Variants in CCDC192 observed in about 807,000 individuals in gnomAD.
CCDC192 encodes the protein coiled-coil domain containing 192.
chr5:127,831,635 TAAAC>T (rs149245774), intron 5 of CCDC192, among the ~76,000 whole-genome samples: 44,659 of 151,816 alleles, frequency 0.29, 6,638 homozygotes, highest in South Asian at 0.44. Flanking sequence ...GTCTTGGAAA[TAAAC>T]AAAATGAATA....
chr5:127,806,895 C>T (rs143676483), intron 5 of CCDC192, among the ~76,000 whole-genome samples: 62 of 152,194 alleles, frequency 4.1e-4, no homozygotes, highest in African/African-American at 1.3e-3. Context: ...GCTATTTATG[C>T]GAATCATGAG....
chr5:127,866,130 T>A (rs1322849676), intron 5 of CCDC192, among the ~76,000 whole-genome samples: 1 of 152,148 alleles, frequency 6.6e-6, no homozygotes, highest in South Asian at 2.1e-4. Flanking sequence ...GCATCAGTTC[T>A]GCAGCTCAGC....
chr5:127,890,880 GTT>G (rs1257326313), intron 6 of CCDC192, among the ~76,000 whole-genome samples: 2 of 152,214 alleles, frequency 1.3e-5, no homozygotes, highest in Non-Finnish European at 2.9e-5. Flanking sequence ...CTGCTACCTG[GTT>G]GGTTTCACTT....
chr5:127,864,616 G>A (rs951961315), intron 5 of CCDC192, among the ~76,000 whole-genome samples: 13 of 152,172 alleles, frequency 8.5e-5, no homozygotes, highest in African/African-American at 3.1e-4. Context: ...TTAGAGCAAG[G>A]ACATTTGTTT....
At position 127,823,430 on chromosome 5, in the gene CCDC192, A is replaced by G. The variant is rs575247699; in HGVS notation, c.411+25268A>G. ...ATTATGCCACATGAGTGGGTGTCACATTTTAATAGATTCTTAACATATTCT... is the reference window on the plus strand; with the variant it reads ...ATTATGCCACATGAGTGGGTGTCACGTTTTAATAGATTCTTAACATATTCT... On this transcript the variant is annotated intron_variant, in intron 5 of 6. Coordinates refer to ENST00000514853, the MANE Select transcript of CCDC192 (RefSeq NM_001317938.2). Among the ~76,000 whole-genome samples the G allele has an allele frequency of 5.6e-4, 86 of 152,306 alleles. 3 individuals are homozygous for G. Among genetic ancestry groups the G allele is most frequent in the Admixed American group, 1.2e-3 (19 of 15,300 alleles).
intron 3 of CCDC192, among the ~76,000 whole-genome samples, chr5:127,768,093 A>G (rs1438202954): frequency 3.3e-5 from 5 of 151,970 alleles, no homozygotes; most frequent in Admixed American, 6.5e-5. Context: ...CTCTACTAAA[A>G]ATACAAAAAT....
chr5:127,843,289 C>G (rs1213541237), intron 5 of CCDC192, among the ~76,000 whole-genome samples: 1 of 151,956 alleles, frequency 6.6e-6, no homozygotes, highest in African/African-American at 2.4e-5. Flanking sequence ...CCACCCGCCT[C>G]AGCCTCCCAA....
intron 5 of CCDC192, among the ~76,000 whole-genome samples, chr5:127,847,242 T>C (rs17164609): frequency 0.014 from 2,164 of 152,334 alleles, 42 homozygotes; most frequent in African/African-American, 0.05. Context: ...GTTTCCTCTG[T>C]TTAGAATATC....
chr5:127,729,753 C>T (rs755184832), intron 2 of CCDC192, among the ~76,000 whole-genome samples: 25 of 152,098 alleles, frequency 1.6e-4, no homozygotes, highest in Non-Finnish European at 2.6e-4. Flanking sequence ...AATTGAACTA[C>T]CTGCTCCTGA....
chr5:127,845,444 G>T (rs761015828), intron 5 of CCDC192, among the ~76,000 whole-genome samples: 3 of 152,102 alleles, frequency 2.0e-5, no homozygotes, highest in African/African-American at 4.8e-5. Flanking sequence ...GAGAGTTGAA[G>T]TAATAGGACG....
chr5:127,854,103 T>A (rs137957345), intron 5 of CCDC192, among the ~76,000 whole-genome samples: 3 of 152,304 alleles, frequency 2.0e-5, no homozygotes, highest in South Asian at 2.1e-4. Context: ...GGGTTCCAGG[T>A]CATAACACTC....
chr5:127,938,567 T>C (rs939211433), intron 6 of CCDC192, among the ~76,000 whole-genome samples: 1 of 152,242 alleles, frequency 6.6e-6, no homozygotes, highest in Non-Finnish European at 1.5e-5. Context: ...ATTTTAAATT[T>C]TCTAGGAGCC....
In CCDC192 at chr5:127,860,553, G is replaced by T. The variant is rs115282318; in HGVS notation, c.412-14985G>T. Among the ~76,000 whole-genome samples the T allele has an allele frequency of 5.8e-3, 885 of 152,098 alleles. 8 individuals are homozygous for T. The highest frequency in any genetic ancestry group is 0.021 in the African/African-American group (857 of 41,462). On this transcript the variant is annotated intron_variant, in intron 5 of 6. Transcript: ENST00000514853. ...AGAACTTTCCTTGTTTAATTTATAG[G>T]TTTTCTCCCACTTACTCTATCATAA...
chr5:127,824,200 C>T (rs1749420619), intron 5 of CCDC192, among the ~76,000 whole-genome samples: 1 of 152,162 alleles, frequency 6.6e-6, no homozygotes, highest in Non-Finnish European at 1.5e-5. Flanking sequence ...GCTAGGGTTT[C>T]CTTGAGACAC....
intron 6 of CCDC192, among the ~76,000 whole-genome samples, chr5:127,933,453 A>C (rs1754104063): frequency 6.6e-6 from 1 of 152,222 alleles, no homozygotes; most frequent in Non-Finnish European, 1.5e-5. Context: ...CAGACTGAGC[A>C]TAAGAAGTAA....
intron 3 of CCDC192, among the ~76,000 whole-genome samples, chr5:127,796,274 A>G (rs1010275895): frequency 3.9e-5 from 6 of 152,252 alleles, no homozygotes; most frequent in Non-Finnish European, 8.8e-5. Flanking sequence ...AAAATGAGAC[A>G]ACTTGCCTTG....
chr5:127,779,733 A>C (rs1358775438), intron 3 of CCDC192, among the ~76,000 whole-genome samples: 3 of 151,996 alleles, frequency 2.0e-5, no homozygotes, highest in Admixed American at 6.6e-5. Context: ...TTTTTAAAAA[A>C]TGTTTTTATT....
intron 6 of CCDC192, among the ~76,000 whole-genome samples, chr5:127,907,590 C>A (rs1285671152): frequency 6.6e-6 from 1 of 152,140 alleles, no homozygotes. Flanking sequence ...AGTCTGACAT[C>A]TATTTCAAAG....
intron 5 of CCDC192, among the ~76,000 whole-genome samples, chr5:127,856,325 C>T (rs564079531): frequency 1.3e-5 from 2 of 152,336 alleles, no homozygotes; most frequent in Admixed American, 1.3e-4. Context: ...TTCTTACTCT[C>T]TCAGCCTTCC....
Sources: allele counts gnomAD v4.1 joint callset (sites outside exome capture counted in the v4.1 genomes callset), GRCh38; gene constraint gnomAD v4.1.1; transcripts MANE v1.5; gene names NCBI Gene and HGNC (gene_info 2026-07-23, HGNC 2026-07-21).